Variants in N4BP1 observed in about 807,000 individuals in gnomAD.
The protein encoded by N4BP1 is NEDD4-binding protein 1.
In N4BP1, 21 loss-of-function variants were observed where a neutral mutation model predicts 70.9. The observed-to-expected ratio is 0.30, with a 90% confidence interval of 0.21 to 0.43. The LOEUF (loss-of-function observed/expected upper bound fraction) is 0.43. N4BP1 is among the 20% of genes least tolerant of loss of function. The probability of loss-of-function intolerance (pLI) is 1.00; values close to 1 mark genes in which losing one functional copy is unlikely to be tolerated. For synonymous variants in N4BP1, 387 were observed against 394.6 expected (o/e 0.98, Z 0.23); for missense variants, 936 against 1,069.4 (o/e 0.88, Z 1.74).
intron 1 of N4BP1, among the ~76,000 whole-genome samples, chr16:48,590,049 T>G (rs1035079206): frequency 3.9e-5 from 6 of 152,170 alleles, no homozygotes; most frequent in Admixed American, 3.3e-4. Context: ...TCATATAGCT[T>G]CTGGCTCCAA....
chr16:48,561,509 T>A lies in N4BP1; in HGVS notation c.1134A>T (p.Leu378Phe), dbSNP rs1047178684. Residue 378 changes from leucine (L) to phenylalanine (F), a missense_variant, in exon 2 of 7, where the codon TTA becomes TTT. Around this residue, in one of 4 missense-constraint regions of N4BP1, gnomAD observed 515 missense variants for 491.7 expected, o/e 1.05. Coordinates refer to ENST00000262384, the MANE Select transcript of N4BP1 (RefSeq NM_153029.4). ...CTTTTTCAATTTCCTCTAAGAGCAA[T>A]AATGGTTCAGTAGATGGTCCATACA... Reference protein sequence around the residue: ...IKVYGPSTEPLLLLEEIEKEN... With the variant: ...IKVYGPSTEPFLLLEEIEKEN... 2 of 1,613,304 alleles carry A rather than the reference T, an allele frequency of 1.2e-6. No individual in the cohort carries two copies. The highest frequency in any genetic ancestry group is 1.1e-5 in the South Asian group (1 of 90,876).
chr16:48,580,168 T>C (rs58637973), intron 1 of N4BP1, among the ~76,000 whole-genome samples: 2,068 of 152,098 alleles, frequency 0.014, 42 homozygotes, highest in African/African-American at 0.047. Flanking sequence ...AATGAGTTGT[T>C]TATGAAAAGG....
At chr16:48,589,461 T>A (rs548448681) in intron 1 of N4BP1, among the ~76,000 whole-genome samples, 1 of 152,286 alleles carries the variant, frequency 6.6e-6, no homozygotes, top group East Asian at 1.9e-4. Flanking sequence ...TCAGGATAGC[T>A]AATACCTATC....
chr16:48,570,277 C>G (rs1390445871), intron 1 of N4BP1, among the ~76,000 whole-genome samples: 3 of 152,148 alleles, frequency 2.0e-5, no homozygotes, highest in Admixed American at 6.5e-5. Context: ...CCAGGTGGAG[C>G]TGTGTTGTGT....
chr16:48,608,755 T>TAAA (rs561784619), intron 1 of N4BP1, among the ~76,000 whole-genome samples: 15 of 134,060 alleles, frequency 1.1e-4, no homozygotes, highest in Non-Finnish European at 1.4e-4. Context: ...AGCTGTTAAT[T>TAAA]AAAAAAAAAA....
chr16:48,610,012 G>A lies in N4BP1; in HGVS notation c.-40C>T. ...CCCGCGGCGGCGCCGGGGGCCGGCG[G>A]CGGCGACGCCCCCTCAGCTTGCTGC... On this transcript the variant is annotated 5_prime_UTR_variant, in exon 1 of 7. Coordinates refer to ENST00000262384, the MANE Select transcript of N4BP1 (RefSeq NM_153029.4). 9.2e-7 allele frequency: 1 copy of A among 1,084,824 alleles called. No individual in the cohort carries two copies. Among genetic ancestry groups the A allele is most frequent in the Non-Finnish European group, 1.1e-6 (1 of 889,714 alleles). The allele number at this position is 1,084,824 out of a possible 1,614,324, so 67.2% of individuals were successfully genotyped here. A position where few individuals can be genotyped will look rare whatever the true frequency, so the allele number is the denominator to read the frequency against.
At chr16:48,575,842 G>T (rs1964084867) in intron 1 of N4BP1, among the ~76,000 whole-genome samples, 1 of 152,168 alleles carries the variant, frequency 6.6e-6, no homozygotes, top group Non-Finnish European at 1.5e-5. Context: ...CAGCTACCAT[G>T]GGGGTAGGTA....
Position 48,561,580 on chromosome 16 carries a change from TAA to T in N4BP1, c.1061_1062del (p.Phe354Ter). On this transcript the variant is annotated frameshift_variant, in exon 2 of 7. Coordinates refer to ENST00000262384, the MANE Select transcript of N4BP1 (RefSeq NM_153029.4). LOFTEE classifies it high-confidence loss of function. ...EMEYNILVNF[F>X]KTMGYSQEIV... ...ATTTCTTGGGAGTAGCCCATGGTTT[TAA>T]AAAAGTTTACGAGGATGTTGTATTC... is the stretch of plus-strand genomic sequence containing the variant. 1 of 1,613,874 alleles carries T rather than the reference TAA, an allele frequency of 6.2e-7. No individual in the cohort carries two copies. Among genetic ancestry groups the T allele is most frequent in the Non-Finnish European group, 8.5e-7 (1 of 1,179,872 alleles).
intron 1 of N4BP1, among the ~76,000 whole-genome samples, chr16:48,605,875 G>A (rs1964572750): frequency 6.6e-6 from 1 of 152,184 alleles, no homozygotes; most frequent in African/African-American, 2.4e-5. Flanking sequence ...GGAGGAATCT[G>A]TGATGCAACT....
Position 48,609,715 on chromosome 16 carries a change from G to T in N4BP1, c.198+60C>A. 6.5e-6 allele frequency: 8 copies of T among 1,228,174 alleles called. No individual in the cohort carries two copies. In the South Asian group the frequency reaches 2.3e-4, roughly 35 times the overall value. The allele number at this position is 1,228,174 out of a possible 1,614,324, so 76.1% of individuals were successfully genotyped here. ...GGACGGCGGGGGCGGGGAGGAGCGG[G>T]AGCCCGGAGACCCGGACCGATCGAG... is the stretch of plus-strand genomic sequence containing the variant. On this transcript the variant is annotated intron_variant, in intron 1 of 6. Transcript: ENST00000262384.
intron 1 of N4BP1, among the ~76,000 whole-genome samples, chr16:48,577,264 T>C (rs910189894): frequency 2.0e-5 from 3 of 152,074 alleles, no homozygotes; most frequent in African/African-American, 7.2e-5. Context: ...AGTTCTTTCC[T>C]CTCCACTCTT....
At chr16:48,554,006 G>A (rs1020112136) in intron 2 of N4BP1, among the ~76,000 whole-genome samples, 2 of 152,254 alleles carry the variant, frequency 1.3e-5, no homozygotes, top group East Asian at 1.9e-4. Context: ...TGCAACCTCC[G>A]AAGATGCTGC....
chr16:48,554,733 TAG>T (rs1276006217), intron 2 of N4BP1, among the ~76,000 whole-genome samples: 1 of 152,238 alleles, frequency 6.6e-6, no homozygotes, highest in Non-Finnish European at 1.5e-5. Flanking sequence ...AACTGCTCTG[TAG>T]AAATACTTCA....
At chr16:48,567,538 C>T (rs370408071) in intron 1 of N4BP1, among the ~76,000 whole-genome samples, 148 of 152,144 alleles carry the variant, frequency 9.7e-4, no homozygotes, top group African/African-American at 3.2e-3. Flanking sequence ...AGGCTGGTCT[C>T]GAACTTCTGG....
chr16:48,549,320 G>GT (rs1567426587), intron 4 of N4BP1, among the ~76,000 whole-genome samples: 1 of 152,208 alleles, frequency 6.6e-6, no homozygotes, highest in Non-Finnish European at 1.5e-5. Context: ...GGTGTGAGTT[G>GT]TAAGTGGTAA....
chr16:48,575,736 C>T (rs1321669961), intron 1 of N4BP1, among the ~76,000 whole-genome samples: 1 of 152,104 alleles, frequency 6.6e-6, no homozygotes, highest in African/African-American at 2.4e-5. Flanking sequence ...CTGAGTGCTA[C>T]CTGAAGAGCA....
At chr16:48,594,560 T>G (rs1244162816) in intron 1 of N4BP1, among the ~76,000 whole-genome samples, 2 of 152,152 alleles carry the variant, frequency 1.3e-5, no homozygotes, top group African/African-American at 4.8e-5. Context: ...TTCACCATGT[T>G]GGCCAGCCTG....
At chr16:48,603,689 CAG>C (rs1275899066) in intron 1 of N4BP1, 1 of 152,162 alleles carries the variant, frequency 6.6e-6, no homozygotes, top group Non-Finnish European at 1.5e-5. Flanking sequence ...CCTTGGCCCT[CAG>C]AGTCATCCTC....
intron 1 of N4BP1, among the ~76,000 whole-genome samples, chr16:48,584,658 C>A (rs1319888314): frequency 6.6e-6 from 1 of 151,636 alleles, no homozygotes; most frequent in African/African-American, 2.4e-5. Flanking sequence ...GCCTGTATTC[C>A]CAGCGACTTG....
Sources: gnomAD v4.1 joint callset for allele counts (sites outside exome capture counted in the v4.1 genomes callset) on GRCh38, gnomAD v4.1.1 for gene constraint, gnomAD v4.1.1 regional missense constraint, MANE v1.5 for transcripts, NCBI Gene and HGNC (gene_info 2026-07-23, HGNC 2026-07-21) for gene names.